The following IL6 variants were observed in gnomAD, a reference collection of about 807,000 sequenced individuals.
The protein encoded by IL6 is interleukin 6.
A neutral mutation model predicts 18.0 loss-of-function variants in IL6; 5 were observed. The ratio of observed to expected loss-of-function variants is 0.28; its 90% CI spans 0.15 to 0.58. The LOEUF is 0.58. Among genes scored for constraint, IL6 ranks in the 20% least tolerant of loss-of-function variants. The pLI, the probability that IL6 is intolerant of heterozygous loss-of-function variation, is 0.90. For synonymous variants in IL6, 97 were observed against 95.1 expected (o/e 1.02, Z -0.12); for missense variants, 266 against 251.0 (o/e 1.06, Z -0.40).
chr7:22,729,937 A>C, intron 4 of IL6: 12 of 1,309,044 alleles, frequency 9.2e-6, no homozygotes, highest in Non-Finnish European at 6.8e-6. Context: ...AGAGATTTAA[A>C]ACCAAAGGCG....
chr7:22,727,941 T>C lies in IL6; in HGVS notation c.210+307T>C, dbSNP rs149096177. Among the ~76,000 whole-genome samples, 690 of 152,280 alleles carry C rather than the reference T, an allele frequency of 4.5e-3. 9 individuals carry two copies. Among genetic ancestry groups the C allele is most frequent in the South Asian group, 0.024 (114 of 4,826 alleles). ...CAAAAAATTAGGTCTGTGAAGCTCC[T>C]TTTTGTCCCCCGGGCTTTGGAAGGA... On this transcript the variant is annotated intron_variant, in intron 2 of 4. Transcript: ENST00000258743.
At chr7:22,727,722 G>T in intron 2 of IL6, 88 bp downstream of exon 2, 1 of 1,443,482 alleles carries the variant, frequency 6.9e-7, no homozygotes, top group Non-Finnish European at 9.3e-7. Flanking sequence ...CCTGCATTAG[G>T]AGGTCTTTGC....
Position 22,728,721 on chromosome 7 carries a change from G to C in IL6, c.239G>C (p.Ser80Thr), listed in dbSNP as rs924423199. ...ETCNKSNMCESSKEALAENNL... is the reference protein window; with the variant it reads ...ETCNKSNMCETSKEALAENNL... The stretch of plus-strand genomic sequence containing the variant: ...TGTAACAAGAGTAACATGTGTGAAA[G>C]CAGCAAAGAGGCACTGGCAGAAAAC... Residue 80 changes from serine to threonine, a missense_variant, in exon 3 of 5, where the codon AGC (serine) becomes ACC (threonine). By Grantham distance (58) the Ser-to-Thr change is moderately conservative (BLOSUM62 1). Coordinates refer to ENST00000258743, the MANE Select transcript of IL6 (RefSeq NM_000600.5). The C allele has an allele frequency of 6.2e-7, 1 of 1,611,160 alleles. No homozygotes were observed. Among genetic ancestry groups the C allele is most frequent in the East Asian group, 2.2e-5 (1 of 44,858 alleles).
In IL6 at chr7:22,728,679, G is replaced by A. The variant is rs1291854836; in HGVS notation, c.211-14G>A. 1.4e-6 allele frequency: 2 copies of A among 1,476,878 alleles called. No individual in the cohort carries two copies. The highest frequency in any genetic ancestry group is 1.9e-6 in the Non-Finnish European group (2 of 1,055,362). 91.5% of individuals were successfully genotyped at this position (1,476,878 alleles called of 1,614,324 possible). On this transcript the variant is annotated splice_polypyrimidine_tract_variant and intron_variant, in intron 2 of 4. Transcript: ENST00000258743. ...GGACACTTAGGTGATAACAATTCTGGTATTCTTTCCCAGACATGTAACAAG... is the reference window on the plus strand; with the variant it reads ...GGACACTTAGGTGATAACAATTCTGATATTCTTTCCCAGACATGTAACAAG...
intron 4 of IL6, among the ~76,000 whole-genome samples, chr7:22,730,524 A>G (rs1356661766): frequency 6.6e-6 from 1 of 152,098 alleles, no homozygotes; most frequent in African/African-American, 2.4e-5. Context: ...TCCTCTTTAC[A>G]CCACCGGATC....
intron 3 of IL6, 117 bp from the exon 4 acceptor site, chr7:22,729,397 T>C: frequency 1.1e-6 from 1 of 890,780 alleles, no homozygotes; most frequent in Non-Finnish European, 1.8e-6. Context: ...GCCTAAGAGG[T>C]ACTTGAAGTT....
chr7:22,729,815 T>A, intron 4 of IL6, 155 bp downstream of exon 4: 1 of 1,526,378 alleles, frequency 6.6e-7, no homozygotes, highest in Non-Finnish European at 8.8e-7. Flanking sequence ...TATTGTTAAA[T>A]CTTTTTTTGT....
chr7:22,728,573 G>A, intron 2 of IL6, 120 bp from the exon 3 acceptor site: 1 of 657,232 alleles, frequency 1.5e-6, no homozygotes, highest in South Asian at 1.8e-5. Context: ...GGATGCCAAT[G>A]AGTTGTAGCT....
At position 22,727,644 on chromosome 7, in the gene IL6, C is replaced by T; in HGVS notation, c.210+10C>T. ...AGCCCTGAGAAAGGAGGTGGGTAGG[C>T]TTGGCGATGGGGTTGAAGGGCCCGG... On this transcript the variant is annotated intron_variant, in intron 2 of 4. Coordinates refer to ENST00000258743, the MANE Select transcript of IL6 (RefSeq NM_000600.5). 2 of 1,534,632 alleles carry T rather than the reference C, an allele frequency of 1.3e-6. No individual in the cohort carries two copies. Among genetic ancestry groups the T allele is most frequent in the Non-Finnish European group, 1.8e-6 (2 of 1,142,796 alleles).
rs201947383 is a variant in IL6, at chr7:22,731,438, C to A, written c.504C>A (p.Asp168Glu). ...ATCTAGATGCAATAACCACCCCTGA[C>A]CCAACCACAAATGCCAGCCTGCTGA... ...AKNLDAITTPDPTTNASLLTK... is the reference protein window; with the variant it reads ...AKNLDAITTPEPTTNASLLTK... Residue 168 changes from aspartate to glutamate, a missense_variant, in exon 5 of 5, where the codon GAC becomes GAA. Asp to Glu is a conservative substitution (Grantham distance 45). Transcript: ENST00000258743. The A allele has an allele frequency of 4.2e-5, 67 of 1,604,620 alleles. No homozygotes were observed. Among genetic ancestry groups the A allele is most frequent in the Non-Finnish European group, 5.5e-5 (65 of 1,173,454 alleles).
At chr7:22,728,619 A>G (rs1784060463) in intron 2 of IL6, 74 bp from the exon 3 acceptor site, 2 of 845,042 alleles carry the variant, frequency 2.4e-6, no homozygotes, top group Non-Finnish European at 4.0e-6. Context: ...CTGTGGTTGA[A>G]CAATGAAAAG....
intron 4 of IL6, chr7:22,730,332 C>T: frequency 4.1e-6 from 4 of 972,976 alleles, no homozygotes; most frequent in Non-Finnish European, 4.9e-6. Context: ...TGGGAATTCC[C>T]TGGGCATCTT....
chr7:22,728,209 C>G (rs2069834), intron 2 of IL6, among the ~76,000 whole-genome samples: 2 of 152,108 alleles, frequency 1.3e-5, no homozygotes, highest in African/African-American at 4.8e-5. Flanking sequence ...AGCCCACACT[C>G]GAATTCTGGT....
chr7:22,729,932 T>A, intron 4 of IL6: 1 of 1,335,828 alleles, frequency 7.5e-7, no homozygotes, highest in Non-Finnish European at 9.6e-7. Flanking sequence ...GTGCAAGAGA[T>A]TTAAAACCAA....
intron 2 of IL6, among the ~76,000 whole-genome samples, chr7:22,727,988 G>A (rs1033362161): frequency 6.6e-6 from 1 of 152,160 alleles, no homozygotes; most frequent in African/African-American, 2.4e-5. Flanking sequence ...CCACCTGAAA[G>A]GCATGTTCAG....
rs778465778 is a variant in IL6, at chr7:22,727,516, C to A, written c.92C>A (p.Pro31His). 6.2e-7 allele frequency: 1 copy of A among 1,613,972 alleles called. No homozygotes were observed. The highest frequency in any genetic ancestry group is 1.7e-5 in the Admixed American group (1 of 60,000). ...CCTGCTGCCTTCCCTGCCCCAGTAC[C>A]CCCAGGAGAAGATTCCAAAGATGTA... ...VLPAAFPAPV[P>H]PGEDSKDVAA... Residue 31 changes from proline to histidine, a missense_variant, in exon 2 of 5, where the codon CCC becomes CAC. Coordinates refer to ENST00000258743, the MANE Select transcript of IL6 (RefSeq NM_000600.5).
chr7:22,727,628 A>G lies in IL6; in HGVS notation c.204A>G (p.Arg68=). The change falls in exon 2 of 5, where the codon AGA becomes AGG. Residue 68 remains arginine, a synonymous_variant. Transcript: ENST00000258743. ...RYILDGISAL[R]KETCNKSNMC... ...TCCTCGACGGCATCTCAGCCCTGAG[A>G]AAGGAGGTGGGTAGGCTTGGCGATG... 6.5e-7 allele frequency: 1 copy of G among 1,544,636 alleles called. No homozygotes were observed. Among genetic ancestry groups the G allele is most frequent in the Non-Finnish European group, 8.7e-7 (1 of 1,146,464 alleles).
chr7:22,731,591 G>T lies in IL6; in HGVS notation c.*18G>T. 3.9e-6 allele frequency: 6 copies of T among 1,557,368 alleles called. No homozygotes were observed. Among genetic ancestry groups the T allele is most frequent in the Non-Finnish European group, 5.3e-6 (6 of 1,142,018 alleles). The stretch of plus-strand genomic sequence containing the variant: ...AAATGTAGCATGGGCACCTCAGATT[G>T]TTGTTGTTAATGGGCATTCCTTCTT... On this transcript the variant is annotated 3_prime_UTR_variant, in exon 5 of 5. Coordinates refer to ENST00000258743, the MANE Select transcript of IL6 (RefSeq NM_000600.5).
intron 2 of IL6, 28 bp from the exon 3 acceptor site, chr7:22,728,665 T>G (rs577433140): frequency 7.9e-7 from 1 of 1,267,798 alleles, no homozygotes; most frequent in African/African-American, 1.5e-5. Flanking sequence ...GACACTTAGG[T>G]GATAACAATT....
Sources: allele counts gnomAD v4.1 joint callset (sites outside exome capture counted in the v4.1 genomes callset), GRCh38; gene constraint gnomAD v4.1.1; transcripts MANE v1.5; gene names NCBI Gene and HGNC (gene_info 2026-07-23, HGNC 2026-07-21).